Variants in KCNIP4 observed in about 807,000 individuals in gnomAD.
The protein encoded by KCNIP4 is Kv channel-interacting protein 4.
In KCNIP4, 12 loss-of-function variants were observed where a neutral mutation model predicts 34.0. The ratio of observed to expected loss-of-function variants is 0.35; its 90% confidence interval spans 0.23 to 0.57. KCNIP4 has a LOEUF of 0.57. Among genes scored for constraint, KCNIP4 ranks in the 20% least tolerant of loss-of-function variants. The probability of loss-of-function intolerance (pLI) is 0.83; values close to 1 mark genes in which losing one functional copy is unlikely to be tolerated. For synonymous variants in KCNIP4, 124 were observed against 102.2 expected, an observed-to-expected ratio of 1.21 and a Z score of -1.29; for missense variants, 238 against 311.7, an observed-to-expected ratio of 0.76 and a Z score of 1.78.
chr4:21,445,255 C>G (rs1449354659), intron 1 of KCNIP4, among the ~76,000 whole-genome samples: 7 of 152,102 alleles, frequency 4.6e-5, no homozygotes, highest in Non-Finnish European at 8.8e-5. Context: ...GACTTTCTCA[C>G]AGAATTGGAA....
intron 1 of KCNIP4, among the ~76,000 whole-genome samples, chr4:21,765,330 G>A (rs765907758): frequency 1.3e-5 from 2 of 151,760 alleles, no homozygotes; most frequent in African/African-American, 2.4e-5. Flanking sequence ...GGCCACTGGA[G>A]TGGTCTTATT....
At chr4:21,763,250 C>G (rs2109173656) in intron 1 of KCNIP4, among the ~76,000 whole-genome samples, 1 of 152,274 alleles carries the variant, frequency 6.6e-6, no homozygotes, top group Non-Finnish European at 1.5e-5. Flanking sequence ...GTGCATTCCT[C>G]TAACACAATA....
intron 1 of KCNIP4, among the ~76,000 whole-genome samples, chr4:21,918,695 G>A (rs929880246): frequency 6.6e-6 from 1 of 152,126 alleles, no homozygotes; most frequent in African/African-American, 2.4e-5. Context: ...AATTTTCATA[G>A]GGAGAGGCCA....
At chr4:21,834,669 C>A (rs1334683591) in intron 1 of KCNIP4, among the ~76,000 whole-genome samples, 3 of 151,972 alleles carry the variant, frequency 2.0e-5, no homozygotes, top group Admixed American at 6.6e-5. Flanking sequence ...CTGTCTTGTG[C>A]CAGTTTTCAA....
At chr4:21,883,682 C>G (rs1726593104) in intron 1 of KCNIP4, among the ~76,000 whole-genome samples, 1 of 152,092 alleles carries the variant, frequency 6.6e-6, no homozygotes, top group Non-Finnish European at 1.5e-5. Flanking sequence ...ATCCACAGTG[C>G]TACTGACTAT....
At position 20,793,828 on chromosome 4, in the gene KCNIP4, T is replaced by C. The variant is rs145896606; in HGVS notation, c.289-34938A>G. ...CAGATCATCAGGTACTAGATTCTCA[T>C]AAGGAGCACACAACCTAGATCCCTC... On this transcript the variant is annotated intron_variant, in intron 3 of 8. Transcript: ENST00000382152. Among the ~76,000 whole-genome samples, 538 of 152,026 alleles carry C rather than the reference T, an allele frequency of 3.5e-3. 2 individuals are homozygous for C. Among genetic ancestry groups the C allele is most frequent in the Middle Eastern group, 0.017 (5 of 294 alleles).
intron 1 of KCNIP4, among the ~76,000 whole-genome samples, chr4:21,856,576 C>G (rs1724770851): frequency 6.6e-6 from 1 of 152,148 alleles, no homozygotes; most frequent in Non-Finnish European, 1.5e-5. Flanking sequence ...TGGCACCCAG[C>G]TGTGGCTGCA....
intron 1 of KCNIP4, among the ~76,000 whole-genome samples, chr4:21,395,080 CCA>C (rs1722874630): frequency 6.6e-6 from 1 of 151,984 alleles, no homozygotes; most frequent in Non-Finnish European, 1.5e-5. Flanking sequence ...ACTCAGAACC[CCA>C]GAGTTGGTAT....
chr4:21,400,057 G>A (rs796906405), intron 1 of KCNIP4, among the ~76,000 whole-genome samples: 20 of 152,170 alleles, frequency 1.3e-4, no homozygotes, highest in African/African-American at 4.8e-4. Context: ...TTCCTGCTCT[G>A]ATCCCATCTC....
intron 1 of KCNIP4, among the ~76,000 whole-genome samples, chr4:21,684,262 C>A (rs1336542292): frequency 1.3e-4 from 20 of 152,150 alleles, no homozygotes; most frequent in Admixed American, 1.3e-3. Context: ...GGACTGATTT[C>A]ACATTTCCCA....
chr4:20,920,509 T>C (rs900153868), intron 1 of KCNIP4, among the ~76,000 whole-genome samples: 42 of 152,164 alleles, frequency 2.8e-4, no homozygotes, highest in African/African-American at 9.2e-4. Flanking sequence ...AAAAGGAATA[T>C]TGTGGAACCA....
chr4:21,666,628 T>A (rs533593155), intron 1 of KCNIP4, among the ~76,000 whole-genome samples: 4 of 152,330 alleles, frequency 2.6e-5, no homozygotes, highest in Admixed American at 2.6e-4. Context: ...TGATATCTTA[T>A]AAAGACTCTA....
intron 1 of KCNIP4, among the ~76,000 whole-genome samples, chr4:20,926,452 T>C (rs1180930698): frequency 6.6e-6 from 1 of 152,212 alleles, no homozygotes; most frequent in East Asian, 1.9e-4. Context: ...ACAGTATTCA[T>C]CAGAGATAGA....
intron 1 of KCNIP4, among the ~76,000 whole-genome samples, chr4:21,263,967 ACGTG>A (rs1761632258): frequency 1.3e-5 from 2 of 149,724 alleles, no homozygotes; most frequent in African/African-American, 4.9e-5. Context: ...ATATATATAT[ACGTG>A]TGTGTGTGTG....
intron 1 of KCNIP4, among the ~76,000 whole-genome samples, chr4:21,832,396 T>G (rs1376732156): frequency 6.6e-6 from 1 of 152,016 alleles, no homozygotes; most frequent in African/African-American, 2.4e-5. Flanking sequence ...GACATAAGGA[T>G]GGACAGAATG....
At position 21,220,045 on chromosome 4, in the gene KCNIP4, T is replaced by C. The variant is rs1757870732; in HGVS notation, c.62-337336A>G. On this transcript the variant is annotated intron_variant, in intron 1 of 8. Transcript: ENST00000382152. Reference sequence around the variant, plus strand: ...TATGAAAAATAGTGTCCAAGAATAATGAAACACAAAGAAGTTATTAATTAT... The same window carrying C: ...TATGAAAAATAGTGTCCAAGAATAACGAAACACAAAGAAGTTATTAATTAT... Among the ~76,000 whole-genome samples, 3 of 152,320 alleles carry C rather than the reference T, an allele frequency of 2.0e-5. No homozygotes were observed. In the South Asian group the frequency reaches 6.2e-4, roughly 32 times the overall value.
intron 1 of KCNIP4, among the ~76,000 whole-genome samples, chr4:21,898,464 G>A (rs535570535): frequency 2.0e-5 from 3 of 152,156 alleles, no homozygotes; most frequent in South Asian, 2.1e-4. Context: ...AGCAGGACAG[G>A]GCACCAGACA....
At chr4:20,877,635 T>C (rs1334502630) in intron 2 of KCNIP4, among the ~76,000 whole-genome samples, 1 of 152,182 alleles carries the variant, frequency 6.6e-6, no homozygotes, top group Non-Finnish European at 1.5e-5. Flanking sequence ...TGTAAATCAC[T>C]TAAAATGTGA....
intron 1 of KCNIP4, chr4:21,316,429 C>G (rs1052733019): frequency 6.6e-6 from 1 of 152,122 alleles, no homozygotes; most frequent in Admixed American, 6.5e-5. Flanking sequence ...CATAACCCTG[C>G]AACAAAAATC....
Sources: allele counts gnomAD v4.1 joint callset (sites outside exome capture counted in the v4.1 genomes callset), GRCh38; gene constraint gnomAD v4.1.1; transcripts MANE v1.5; gene names NCBI Gene and HGNC (gene_info 2026-07-23, HGNC 2026-07-21).